The following GRM8 variants were observed in gnomAD, a reference collection of about 807,000 sequenced individuals.
GRM8 encodes the protein metabotropic glutamate receptor 8.
A neutral mutation model predicts 87.2 loss-of-function variants in GRM8; 47 were observed. The ratio of observed to expected loss-of-function variants is 0.54; its 90% CI spans 0.43 to 0.69. The LOEUF is 0.69. Among genes scored for constraint, GRM8 ranks in the 30% least tolerant of loss-of-function variants. The pLI is 0.00. For synonymous variants in GRM8, 396 were observed against 404.5 expected (o/e 0.98, Z 0.25); for missense variants, 1,019 against 1,139.2 (o/e 0.89, Z 1.52).
chr7:126,835,530 A>G (rs1420451706), intron 6 of GRM8, among the ~76,000 whole-genome samples: 2 of 152,228 alleles, frequency 1.3e-5, no homozygotes, highest in African/African-American at 4.8e-5. Flanking sequence ...CAGTTTGATA[A>G]GCATTAAAAA....
chr7:126,957,423 GGC>G (rs1404211456), intron 3 of GRM8, among the ~76,000 whole-genome samples: 1 of 152,068 alleles, frequency 6.6e-6, no homozygotes, highest in African/African-American at 2.4e-5. Context: ...CATGCTTCTG[GGC>G]GCAGCTGCAG....
At chr7:127,250,693 G>C (rs955041788) in intron 1 of GRM8, among the ~76,000 whole-genome samples, 4 of 152,150 alleles carry the variant, frequency 2.6e-5, no homozygotes, top group African/African-American at 4.8e-5. Context: ...AGCTGATTCT[G>C]CCTCCTACAG....
intron 8 of GRM8, among the ~76,000 whole-genome samples, chr7:126,563,074 G>C (rs1029630765): frequency 5.3e-5 from 8 of 152,156 alleles, no homozygotes; most frequent in African/African-American, 1.9e-4. Context: ...TTAGAAGCCT[G>C]TTATAATGAA....
chr7:127,103,780 A>G (rs963952016), intron 3 of GRM8, among the ~76,000 whole-genome samples: 16 of 152,142 alleles, frequency 1.1e-4, no homozygotes, highest in African/African-American at 3.9e-4. Flanking sequence ...CAATAATCCT[A>G]TAGTCAAGAG....
intron 6 of GRM8, among the ~76,000 whole-genome samples, chr7:126,860,559 C>A (rs963397006): frequency 2.6e-5 from 4 of 152,002 alleles, no homozygotes; most frequent in African/African-American, 9.7e-5. Context: ...GAAACAATTA[C>A]TAATTAAAAT....
intron 6 of GRM8, among the ~76,000 whole-genome samples, chr7:126,797,512 T>A (rs531190752): frequency 6.6e-6 from 1 of 152,136 alleles, no homozygotes; most frequent in African/African-American, 2.4e-5. Context: ...CCATGCTCCA[T>A]GGTCCATGAA....
chr7:126,892,129 T>G (rs1451912004), intron 6 of GRM8, among the ~76,000 whole-genome samples: 1 of 151,832 alleles, frequency 6.6e-6, no homozygotes, highest in Non-Finnish European at 1.5e-5. Context: ...TTTACATTTT[T>G]ATTTTTACTT....
At chr7:126,560,791 G>T (rs1052540460) in intron 8 of GRM8, among the ~76,000 whole-genome samples, 3 of 152,114 alleles carry the variant, frequency 2.0e-5, no homozygotes. Flanking sequence ...GGACAGTATT[G>T]CTATTCAATA....
chr7:126,869,321 C>A (rs1406279288), intron 6 of GRM8: 1 of 152,154 alleles, frequency 6.6e-6, no homozygotes, highest in East Asian at 1.9e-4. Context: ...AAATCAATTT[C>A]TTTTAAGACT....
At chr7:126,893,051 T>A (rs2022071) in intron 6 of GRM8, among the ~76,000 whole-genome samples, 27,828 of 151,946 alleles carry the variant, frequency 0.18, 2,594 homozygotes, top group East Asian at 0.27. Flanking sequence ...CCTTTTTAAA[T>A]GACATTTTCC....
chr7:127,096,385 C>G lies in GRM8; in HGVS notation c.727+10111G>C, dbSNP rs1824656234. Among the ~76,000 whole-genome samples, 4 of 152,094 alleles carry G rather than the reference C, an allele frequency of 2.6e-5. No homozygotes were observed. The South Asian group carries it at 8.3e-4, about 32-fold the overall frequency. On this transcript the variant is annotated intron_variant, in intron 3 of 10. Coordinates refer to ENST00000339582, the MANE Select transcript of GRM8 (RefSeq NM_000845.3). ...GACCAGTCTGGCCAACATGGTGAAACCCTATCTCTACTAAAAATACAAAAA... is the reference window on the plus strand; with the variant it reads ...GACCAGTCTGGCCAACATGGTGAAAGCCTATCTCTACTAAAAATACAAAAA...
intron 9 of GRM8, among the ~76,000 whole-genome samples, chr7:126,500,411 C>A (rs1809469902): frequency 6.6e-6 from 1 of 151,928 alleles, no homozygotes; most frequent in Admixed American, 6.6e-5. Flanking sequence ...CTTCCAGAGT[C>A]CCAGCAACAA....
intron 7 of GRM8, among the ~76,000 whole-genome samples, chr7:126,676,212 T>C (rs1806943488): frequency 6.6e-6 from 1 of 152,060 alleles, no homozygotes; most frequent in Admixed American, 6.6e-5. Context: ...GACTATCACA[T>C]GCTGCTGAAA....
intron 9 of GRM8, among the ~76,000 whole-genome samples, chr7:126,462,031 T>C (rs1803946559): frequency 6.6e-6 from 1 of 151,644 alleles, no homozygotes; most frequent in East Asian, 1.9e-4. Context: ...TGTTTCCTTA[T>C]GGAAGTGGCT....
At chr7:126,958,072 G>T (rs187894612) in intron 3 of GRM8, among the ~76,000 whole-genome samples, 30 of 152,174 alleles carry the variant, frequency 2.0e-4, no homozygotes, top group African/African-American at 7.2e-4. Flanking sequence ...GGGTCTCAGG[G>T]GTCTCCTCAA....
intron 3 of GRM8, among the ~76,000 whole-genome samples, chr7:126,953,832 T>G (rs1190239725): frequency 6.6e-6 from 1 of 152,176 alleles, no homozygotes. Flanking sequence ...ATACAACATT[T>G]TAATTTACTA....
chr7:127,105,609 TG>T (rs1431768199), intron 3 of GRM8, among the ~76,000 whole-genome samples: 1 of 152,194 alleles, frequency 6.6e-6, no homozygotes, highest in East Asian at 1.9e-4. Flanking sequence ...ATCAACATAA[TG>T]TCTTCCTTCA....
intron 3 of GRM8, among the ~76,000 whole-genome samples, chr7:127,082,586 TC>T (rs1428005744): frequency 1.3e-5 from 2 of 152,200 alleles, no homozygotes; most frequent in Non-Finnish European, 2.9e-5. Context: ...AATGGAAGTT[TC>T]CATTCTTCTA....
At chr7:127,097,407 G>A (rs1288870800) in intron 3 of GRM8, among the ~76,000 whole-genome samples, 1 of 152,154 alleles carries the variant, frequency 6.6e-6, no homozygotes, top group East Asian at 1.9e-4. Context: ...AAAGAGAGGG[G>A]AGGTGGTCAG....
Sources: allele counts gnomAD v4.1 joint callset (sites outside exome capture counted in the v4.1 genomes callset), GRCh38; gene constraint gnomAD v4.1.1; transcripts MANE v1.5; gene names NCBI Gene and HGNC (gene_info 2026-07-23, HGNC 2026-07-21).